Variants in GALNT14 observed in about 807,000 individuals in gnomAD.
The protein encoded by GALNT14 is UDP-GalNAc:polypeptide N-acetylgalactosaminyltransferase 14.
In GALNT14, 60 loss-of-function variants were observed where a neutral mutation model predicts 77.5. That is an observed-to-expected ratio of 0.77 (90% CI 0.63 to 0.96). The LOEUF (loss-of-function observed/expected upper bound fraction) is 0.96, where lower values mean the gene tolerates loss of function less well. Among genes scored for constraint, GALNT14 ranks in the 40% least tolerant of loss-of-function variants. The pLI, the probability that GALNT14 is intolerant of heterozygous loss-of-function variation, is 0.00. For synonymous variants in GALNT14, 280 were observed against 281.7 expected (o/e 0.99, Z 0.06); for missense variants, 710 against 731.0 (o/e 0.97, Z 0.33).
chr2:30,999,076 G>A (rs946322601), intron 1 of GALNT14, among the ~76,000 whole-genome samples: 4 of 152,220 alleles, frequency 2.6e-5, no homozygotes, highest in African/African-American at 7.2e-5. Context: ...GCAAGAAGGC[G>A]GGGATGTGCT....
At chr2:31,065,610 T>C (rs1328254102) in intron 1 of GALNT14, among the ~76,000 whole-genome samples, 1 of 152,182 alleles carries the variant, frequency 6.6e-6, no homozygotes, top group African/African-American at 2.4e-5. Context: ...ATGCTGCTGC[T>C]GCACACCTTC....
chr2:31,012,956 G>C (rs1225202859), intron 1 of GALNT14, among the ~76,000 whole-genome samples: 1 of 151,910 alleles, frequency 6.6e-6, no homozygotes, highest in Admixed American at 6.5e-5. Flanking sequence ...AATAAAGAAT[G>C]ATAAAACTGA....
intron 1 of GALNT14, among the ~76,000 whole-genome samples, chr2:31,066,426 G>T (rs534249682): frequency 2.6e-5 from 4 of 151,366 alleles, no homozygotes; most frequent in Non-Finnish European, 5.9e-5. Context: ...GGGCGGGGGG[G>T]TGGTGTCCAG....
chr2:30,933,154 T>C (rs184558863), intron 9 of GALNT14, among the ~76,000 whole-genome samples: 2 of 131,022 alleles, frequency 1.5e-5, no homozygotes, highest in East Asian at 8.1e-4. Flanking sequence ...ATGGTGACAT[T>C]CAAAAGCAGA....
chr2:31,115,787 T>A (rs779550081), intron 1 of GALNT14, among the ~76,000 whole-genome samples: 16 of 152,194 alleles, frequency 1.1e-4, no homozygotes, highest in Non-Finnish European at 2.1e-4. Flanking sequence ...CCAGGCACAG[T>A]GGCTCACGCC....
rs1679325778 is a variant in GALNT14, at chr2:31,138,377, ACGCCGCCACCGCGGCTGCCGCCGC to A, written c.-315_-292del. ...CGCGGTGGCTGCCGAGATGTTCCCCACGCCGCCACCGCGGCTGCCGCCGCCGCCGCCGCCGCCTTGCCCGCTGCC... is the reference window on the plus strand; with the variant it reads ...CGCGGTGGCTGCCGAGATGTTCCCCACGCCGCCGCCGCCTTGCCCGCTGCC... On this transcript the variant is annotated 5_prime_UTR_variant, in exon 1 of 15. Transcript: ENST00000349752. 1 of 384,802 alleles carries A rather than the reference ACGCCGCCACCGCGGCTGCCGCCGC, an allele frequency of 2.6e-6. No homozygotes were observed. The highest frequency in any genetic ancestry group is 3.3e-5 in the South Asian group (1 of 30,260). The allele number at this position is 384,802 out of a possible 1,614,324, so 23.8% of individuals were successfully genotyped here. A position where few individuals can be genotyped will look rare whatever the true frequency, so the allele number is the denominator to read the frequency against.
Position 31,073,983 on chromosome 2 carries a change from T to G in GALNT14, c.129+63975A>C, listed in dbSNP as rs796945193. ...GCTACCTGTCTACCTGTATATTTAT[T>G]TGGGCCCTGAGTTCTCTGTGCATAG... On this transcript the variant is annotated intron_variant, in intron 1 of 14. Coordinates refer to ENST00000349752, the MANE Select transcript of GALNT14 (RefSeq NM_024572.4). Among the ~76,000 whole-genome samples, 9 of 152,332 alleles carry G rather than the reference T, an allele frequency of 5.9e-5. No individual in the cohort carries two copies. In the South Asian group the frequency reaches 1.9e-3, roughly 32 times the overall value.
At chr2:30,942,160 T>C (rs773023409) in intron 9 of GALNT14, 41 bp downstream of exon 9, 10 of 1,440,324 alleles carry the variant, frequency 6.9e-6, no homozygotes, top group Non-Finnish European at 9.8e-6. Context: ...CCCCAGGGTG[T>C]ATAGAACAGC....
chr2:31,047,447 C>T (rs1013295854), intron 1 of GALNT14, among the ~76,000 whole-genome samples: 1 of 152,170 alleles, frequency 6.6e-6, no homozygotes, highest in African/African-American at 2.4e-5. Flanking sequence ...GACAGGGCAT[C>T]CCAGGGCCAC....
intron 1 of GALNT14, chr2:31,129,301 A>G (rs1678860945): frequency 1.2e-6 from 1 of 831,412 alleles, no homozygotes; most frequent in Non-Finnish European, 1.5e-6. Context: ...GTAAGGATCA[A>G]ATGAGGCAAC....
chr2:31,104,715 T>C (rs1677467757), intron 1 of GALNT14, among the ~76,000 whole-genome samples: 1 of 152,212 alleles, frequency 6.6e-6, no homozygotes, highest in Non-Finnish European at 1.5e-5. Context: ...TGTGTCCATC[T>C]GATGTTTCCT....
intron 1 of GALNT14, among the ~76,000 whole-genome samples, chr2:31,027,833 A>G (rs1672157953): frequency 6.6e-6 from 1 of 151,792 alleles, no homozygotes; most frequent in South Asian, 2.1e-4. Flanking sequence ...GAAAGCTTTA[A>G]GCAACAAGTG....
At chr2:31,014,487 A>G (rs1273168690) in intron 1 of GALNT14, among the ~76,000 whole-genome samples, 5 of 152,184 alleles carry the variant, frequency 3.3e-5, no homozygotes, top group African/African-American at 7.2e-5. Flanking sequence ...ACTGAAGGAA[A>G]AGCAAGCCTT....
chr2:30,928,007 C>A (rs1268251909), intron 11 of GALNT14, among the ~76,000 whole-genome samples: 3 of 152,046 alleles, frequency 2.0e-5, no homozygotes, highest in Admixed American at 2.0e-4. Context: ...GAGGACAAGA[C>A]CTTTTGAGCT....
intron 1 of GALNT14, among the ~76,000 whole-genome samples, chr2:31,085,014 G>A (rs183410589): frequency 6.2e-4 from 84 of 135,024 alleles, no homozygotes; most frequent in Admixed American, 9.1e-4. Context: ...GTGACAGAAC[G>A]AGACTCCATC....
intron 1 of GALNT14, among the ~76,000 whole-genome samples, chr2:31,031,221 T>C (rs1672389762): frequency 6.6e-6 from 1 of 152,116 alleles, no homozygotes. Flanking sequence ...TGAAATGTCT[T>C]AGGAGTCCTG....
chr2:31,032,746 G>T (rs1672494737), intron 1 of GALNT14, among the ~76,000 whole-genome samples: 1 of 152,178 alleles, frequency 6.6e-6, no homozygotes, highest in Non-Finnish European at 1.5e-5. Context: ...AAGGTCAACT[G>T]CGCAGTACTG....
intron 2 of GALNT14, among the ~76,000 whole-genome samples, chr2:30,986,732 T>C (rs1321238656): frequency 3.3e-5 from 5 of 152,206 alleles, no homozygotes; most frequent in Non-Finnish European, 7.3e-5. Flanking sequence ...GTCTCTTCCT[T>C]ACAGTGAATT....
chr2:30,971,852 C>T lies in GALNT14; in HGVS notation c.300-5550G>A, dbSNP rs372704942. 3.0e-4 allele frequency among the ~76,000 whole-genome samples: 46 copies of T among 152,148 alleles called. 1 individual carries two copies. In the East Asian group the frequency reaches 6.6e-3, roughly 22 times the overall value. On this transcript the variant is annotated intron_variant, in intron 2 of 14. Transcript: ENST00000349752. ...CATGGCAGTCATGTCATGATGCGTG[C>T]GATGCCTTTTATTTTACCCCACGAG...
Sources: gnomAD v4.1 joint callset for allele counts (sites outside exome capture counted in the v4.1 genomes callset) on GRCh38, gnomAD v4.1.1 for gene constraint, MANE v1.5 for transcripts, NCBI Gene and HGNC (gene_info 2026-07-23, HGNC 2026-07-21) for gene names.